The following ARHGAP15 variants were observed in gnomAD, a reference collection of about 807,000 sequenced individuals.
ARHGAP15 encodes Rho GTPase activating protein 15.
Under a neutral mutation model 63.7 loss-of-function variants are expected in ARHGAP15, and 51 were observed. The ratio of observed to expected loss-of-function variants is 0.80; its 90% CI spans 0.64 to 1.01. The LOEUF (loss-of-function observed/expected upper bound fraction) is 1.01. ARHGAP15 is among the 50% of genes least tolerant of loss of function. The pLI, the probability that ARHGAP15 is intolerant of heterozygous loss-of-function variation, is 0.00. For missense variants in ARHGAP15, 560 were observed against 564.6 expected (o/e 0.99, Z 0.08); for synonymous variants, 191 against 193.8 (o/e 0.99, Z 0.12).
chr2:143,262,534 G>GGTTTTTTTTTT (rs1680773129), intron 6 of ARHGAP15, among the ~76,000 whole-genome samples: 1 of 82,080 alleles, frequency 1.2e-5, no homozygotes, highest in Non-Finnish European at 2.3e-5. Flanking sequence ...CTGAACCTTT[G>GGTTTTTTTTTT]ATTTTTTTTT....
intron 8 of ARHGAP15, among the ~76,000 whole-genome samples, chr2:143,472,528 A>G (rs1691627338): frequency 6.6e-6 from 1 of 152,150 alleles, no homozygotes; most frequent in South Asian, 2.1e-4. Context: ...TATAAGCTTA[A>G]TTTAATTTTA....
chr2:143,349,692 C>A (rs35933274), intron 6 of ARHGAP15, among the ~76,000 whole-genome samples: 14,092 of 152,188 alleles, frequency 0.093, 1,076 homozygotes, highest in Non-Finnish European at 0.12. Flanking sequence ...GGGATTGTAG[C>A]TTTTCCTGTG....
At chr2:143,661,406 T>C (rs1297616704) in intron 12 of ARHGAP15, among the ~76,000 whole-genome samples, 1 of 152,064 alleles carries the variant, frequency 6.6e-6, no homozygotes, top group Admixed American at 6.5e-5. Context: ...TATAGATTAA[T>C]AAAACAAAGA....
At chr2:143,547,871 A>T (rs900688281) in intron 10 of ARHGAP15, among the ~76,000 whole-genome samples, 1 of 152,100 alleles carries the variant, frequency 6.6e-6, no homozygotes, top group Admixed American at 6.6e-5. Flanking sequence ...AATAGTAAAA[A>T]GCAAGATAGC....
chr2:143,662,577 C>A (rs928393043), intron 12 of ARHGAP15, among the ~76,000 whole-genome samples: 2 of 128,398 alleles, frequency 1.6e-5, no homozygotes, highest in African/African-American at 5.1e-5. Context: ...ATGACTTTGA[C>A]GAGCCGAGAG....
At chr2:143,307,654 A>G (rs1216784375) in intron 6 of ARHGAP15, among the ~76,000 whole-genome samples, 2 of 152,120 alleles carry the variant, frequency 1.3e-5, no homozygotes, top group East Asian at 3.9e-4. Context: ...GAGAAAAGAG[A>G]AACTTTGCCC....
chr2:143,350,595 G>A (rs1685514906), intron 6 of ARHGAP15, among the ~76,000 whole-genome samples: 2 of 150,654 alleles, frequency 1.3e-5, no homozygotes, highest in South Asian at 4.2e-4. Context: ...CGAGGGGGGT[G>A]GATCACGAGG....
At chr2:143,649,443 T>C (rs1338076276) in intron 12 of ARHGAP15, among the ~76,000 whole-genome samples, 2 of 152,020 alleles carry the variant, frequency 1.3e-5, no homozygotes, top group Admixed American at 6.6e-5. Flanking sequence ...AGCACTTCCA[T>C]TATAAACATT....
chr2:143,371,845 T>A (rs1401194808), intron 6 of ARHGAP15, among the ~76,000 whole-genome samples: 1 of 152,184 alleles, frequency 6.6e-6, no homozygotes, highest in East Asian at 1.9e-4. Flanking sequence ...ATCATGAATG[T>A]ACTGAGAAGC....
intron 10 of ARHGAP15, among the ~76,000 whole-genome samples, chr2:143,525,840 A>G (rs1177111844): frequency 1.3e-5 from 2 of 152,188 alleles, no homozygotes; most frequent in Admixed American, 6.6e-5. Context: ...CTAGGAAAAG[A>G]CAACCAAAAG....
At chr2:143,664,466 T>A (rs868596973) in intron 12 of ARHGAP15, among the ~76,000 whole-genome samples, 6 of 151,154 alleles carry the variant, frequency 4.0e-5, no homozygotes, top group African/African-American at 1.5e-4. Flanking sequence ...GAGAAAGCAG[T>A]AAAGATCCAA....
chr2:143,420,926 A>G (rs1217015037), intron 6 of ARHGAP15, among the ~76,000 whole-genome samples: 1 of 152,202 alleles, frequency 6.6e-6, no homozygotes, highest in Non-Finnish European at 1.5e-5. Flanking sequence ...TCACACAGAC[A>G]CATGCTAGTA....
At chr2:143,471,272 A>G (rs945963104) in intron 8 of ARHGAP15, among the ~76,000 whole-genome samples, 16 of 149,028 alleles carry the variant, frequency 1.1e-4, no homozygotes, top group African/African-American at 4.0e-4. Flanking sequence ...ATATACACAT[A>G]GAGAGCATGC....
intron 6 of ARHGAP15, among the ~76,000 whole-genome samples, chr2:143,306,109 C>T (rs1302043732): frequency 6.6e-6 from 1 of 152,090 alleles, no homozygotes; most frequent in East Asian, 1.9e-4. Flanking sequence ...TTGGAACAAT[C>T]TCAGTAATAT....
chr2:143,634,941 T>C (rs549841197), intron 12 of ARHGAP15, among the ~76,000 whole-genome samples: 1 of 152,198 alleles, frequency 6.6e-6, no homozygotes, highest in African/African-American at 2.4e-5. Context: ...TTAGCAAATC[T>C]GTGATGTTCA....
intron 6 of ARHGAP15, among the ~76,000 whole-genome samples, chr2:143,327,021 A>G (rs1333221861): frequency 2.0e-5 from 3 of 152,152 alleles, no homozygotes; most frequent in African/African-American, 7.2e-5. Flanking sequence ...AAACCCCATC[A>G]TCTCAACCAA....
intron 6 of ARHGAP15, among the ~76,000 whole-genome samples, chr2:143,304,155 G>A (rs1301159453): frequency 1.3e-5 from 2 of 152,066 alleles, no homozygotes; most frequent in African/African-American, 2.4e-5. Context: ...ACATGCACAC[G>A]TATGTTTATT....
intron 6 of ARHGAP15, among the ~76,000 whole-genome samples, chr2:143,371,660 G>C (rs1445917854): frequency 6.6e-6 from 1 of 152,098 alleles, no homozygotes; most frequent in African/African-American, 2.4e-5. Context: ...TTCGAGGCTA[G>C]CTTGTTCCCC....
chr2:143,541,115 A>G (rs1247981967), intron 10 of ARHGAP15, among the ~76,000 whole-genome samples: 1 of 151,852 alleles, frequency 6.6e-6, no homozygotes, highest in Non-Finnish European at 1.5e-5. Context: ...TTCATGCTTC[A>G]TTTCATTTAT....
Sources: allele counts gnomAD v4.1 joint callset (sites outside exome capture counted in the v4.1 genomes callset), GRCh38; gene constraint gnomAD v4.1.1; transcripts MANE v1.5; gene names NCBI Gene and HGNC (gene_info 2026-07-23, HGNC 2026-07-21).